The following SEC63 variants were observed in gnomAD, a reference collection of about 807,000 sequenced individuals.
SEC63 encodes translocation protein SEC63 homolog.
SEC63 carries 56 observed loss-of-function variants against 116.2 expected under a neutral mutation model. That is an observed-to-expected ratio of 0.48 (90% CI 0.39 to 0.60). SEC63 has a LOEUF of 0.60. SEC63 is among the 20% of genes least tolerant of loss of function. The probability of loss-of-function intolerance (pLI) is 0.00; values close to 1 mark genes in which losing one functional copy is unlikely to be tolerated. For missense variants in SEC63, 668 were observed against 900.0 expected (o/e 0.74, Z 3.30); for synonymous variants, 273 against 294.6 (o/e 0.93, Z 0.75).
At chr6:107,947,748 C>T (rs968279503) in intron 1 of SEC63, among the ~76,000 whole-genome samples, 2 of 152,102 alleles carry the variant, frequency 1.3e-5, no homozygotes, top group African/African-American at 4.8e-5. Flanking sequence ...AATAAACAGT[C>T]CAAGCTTTCT....
intron 1 of SEC63, among the ~76,000 whole-genome samples, chr6:107,934,983 C>A (rs1474941241): frequency 9.9e-6 from 1 of 101,488 alleles, no homozygotes; most frequent in Non-Finnish European, 2.0e-5. Context: ...CCCCGTCCGG[C>A]AGGGAGGTGG....
chr6:107,949,634 T>G (rs1272106883), intron 1 of SEC63, among the ~76,000 whole-genome samples: 1 of 152,140 alleles, frequency 6.6e-6, no homozygotes, highest in Non-Finnish European at 1.5e-5. Flanking sequence ...GGTCCTTCTT[T>G]TTACTTTTTG....
chr6:107,958,133 C>T lies in SEC63; in HGVS notation c.-124G>A. The T allele has an allele frequency of 6.9e-7, 1 of 1,442,338 alleles. No individual in the cohort carries two copies. The highest frequency in any genetic ancestry group is 9.5e-7 in the Non-Finnish European group (1 of 1,049,804). The allele number at this position is 1,442,338 out of a possible 1,614,324, so 89.3% of individuals were successfully genotyped here. ...CACTGCCGCCGCCGCCTCTCCTCCC[C>T]GCCCCCACGCCACTCTCACGGACAC... On this transcript the variant is annotated 5_prime_UTR_variant, in exon 1 of 21. Coordinates refer to ENST00000369002, the MANE Select transcript of SEC63 (RefSeq NM_007214.5).
In SEC63 at chr6:107,958,164, C is replaced by T; in HGVS notation, c.-155G>A. ...CACGCCACTCTCACGGACACGCCGC[C>T]GCCACCTCTGCCGCTGCCGCCGCCG... On this transcript the variant is annotated 5_prime_UTR_variant, in exon 1 of 21. Coordinates refer to ENST00000369002, the MANE Select transcript of SEC63 (RefSeq NM_007214.5). 3 of 1,206,098 alleles carry T rather than the reference C, an allele frequency of 2.5e-6. No homozygotes were observed. Among genetic ancestry groups the T allele is most frequent in the Admixed American group, 2.0e-5 (1 of 50,128 alleles). 74.7% of individuals were successfully genotyped at this position (1,206,098 alleles called of 1,614,324 possible). A position where few individuals can be genotyped will look rare whatever the true frequency, so the allele number is the denominator to read the frequency against.
Position 107,902,879 on chromosome 6 carries a change from C to G in SEC63, c.1174G>C (p.Glu392Gln). Reference sequence around the variant, plus strand: ...TTAGAAACCCGTCTAAGATTGTCCTCTTCAATATGAGGGAGCTGCAGAAGG... The same window carrying G: ...TTAGAAACCCGTCTAAGATTGTCCTGTTCAATATGAGGGAGCTGCAGAAGG... ...SPLLQLPHIE[E>Q]DNLRRVSNHK... is the part of the protein sequence containing the mutation. The change falls in exon 12 of 21, where the codon GAG (glutamate) becomes CAG (glutamine). Residue 392 changes from glutamate (E) to glutamine (Q), a missense_variant. By Grantham distance (29) the Glu-to-Gln change is conservative. Coordinates refer to ENST00000369002, the MANE Select transcript of SEC63 (RefSeq NM_007214.5). 1 of 1,613,980 alleles carries G rather than the reference C, an allele frequency of 6.2e-7. No individual in the cohort carries two copies. Among genetic ancestry groups the G allele is most frequent in the Non-Finnish European group, 8.5e-7 (1 of 1,179,928 alleles).
intron 19 of SEC63, among the ~76,000 whole-genome samples, chr6:107,873,866 ACAACT>A (rs1478251649): frequency 6.6e-6 from 1 of 152,216 alleles, no homozygotes; most frequent in East Asian, 1.9e-4. Flanking sequence ...CATTAAAAAG[ACAACT>A]CAAACACACT....
At chr6:107,908,776 G>A (rs1787210799) in intron 8 of SEC63, 151 bp downstream of exon 8, 4 of 527,830 alleles carry the variant, frequency 7.6e-6, no homozygotes, top group Non-Finnish European at 1.3e-5. Flanking sequence ...AAAGGGTGCT[G>A]GCATTTTTCT....
intron 1 of SEC63, among the ~76,000 whole-genome samples, chr6:107,952,777 T>C (rs1338036465): frequency 2.0e-5 from 3 of 151,886 alleles, no homozygotes; most frequent in Non-Finnish European, 4.4e-5. Context: ...AAAAAAAAAA[T>C]TACTTAAACT....
intron 1 of SEC63, among the ~76,000 whole-genome samples, chr6:107,941,345 C>CCA (rs1356802174): frequency 6.6e-6 from 1 of 151,658 alleles, no homozygotes; most frequent in East Asian, 1.9e-4. Context: ...GTCCAGCTAC[C>CCA]CACACACACC....
chr6:107,911,416 G>A lies in SEC63; in HGVS notation c.574-20C>T, dbSNP rs369895256. 1.3e-6 allele frequency: 2 copies of A among 1,539,922 alleles called. No individual in the cohort carries two copies. Among genetic ancestry groups the A allele is most frequent in the South Asian group, 1.1e-5 (1 of 89,468 alleles). ...TAAAACCTAAAATTGAAGAGAAAAA[G>A]AATTATGGCCTTCGTCAGGTAAATT... On this transcript the variant is annotated intron_variant, in intron 6 of 20. Coordinates refer to ENST00000369002, the MANE Select transcript of SEC63 (RefSeq NM_007214.5).
In SEC63 at chr6:107,887,654, C is replaced by T. The variant is rs534143177; in HGVS notation, c.1675-4508G>A. 2.1e-3 allele frequency among the ~76,000 whole-genome samples: 318 copies of T among 151,818 alleles called. 3 individuals are homozygous for T. Among genetic ancestry groups the T allele is most frequent in the Admixed American group, 8.0e-3 (122 of 15,242 alleles). On this transcript the variant is annotated intron_variant, in intron 16 of 20. Transcript: ENST00000369002. ...GGGAAATATACCTAATGCTAGATGACGAGTTAGTGGGTGCAGCGCACCAGC... is the reference window on the plus strand; with the variant it reads ...GGGAAATATACCTAATGCTAGATGATGAGTTAGTGGGTGCAGCGCACCAGC...
Position 107,871,080 on chromosome 6 carries a change from ATCTG to A in SEC63, c.*620_*623del, listed in dbSNP as rs1374589051. 4 of 154,088 alleles carry A rather than the reference ATCTG, an allele frequency of 2.6e-5. No individual in the cohort carries two copies. The highest frequency in any genetic ancestry group is 9.6e-5 in the African/African-American group (4 of 41,464). 9.5% of individuals were successfully genotyped at this position (154,088 alleles called of 1,614,324 possible). A position where few individuals can be genotyped will look rare whatever the true frequency, so the allele number is the denominator to read the frequency against. Reference sequence around the variant, plus strand: ...TAAGCCATTAAAAGCCATTTTTATAATCTGTCTGATAACTCTGGGCAATTAAGAA... The same window carrying A: ...TAAGCCATTAAAAGCCATTTTTATAATCTGATAACTCTGGGCAATTAAGAA... On this transcript the variant is annotated 3_prime_UTR_variant, in exon 21 of 21. Coordinates refer to ENST00000369002, the MANE Select transcript of SEC63 (RefSeq NM_007214.5).
chr6:107,956,029 C>A, intron 1 of SEC63: 1 of 414,276 alleles, frequency 2.4e-6, no homozygotes, highest in Non-Finnish European at 4.9e-6. Context: ...TCTGTAAGGC[C>A]AGCTACTCGG....
intron 1 of SEC63, among the ~76,000 whole-genome samples, chr6:107,935,080 C>T (rs1770176378): frequency 7.3e-6 from 1 of 137,478 alleles, no homozygotes; most frequent in Non-Finnish European, 1.6e-5. Flanking sequence ...AAGTGAGGAG[C>T]CCCTCTGCCT....
intron 1 of SEC63, among the ~76,000 whole-genome samples, chr6:107,937,665 C>T (rs1770286779): frequency 6.6e-6 from 1 of 152,124 alleles, no homozygotes; most frequent in Non-Finnish European, 1.5e-5. Context: ...CCACCAGCAG[C>T]GTATAAGTGT....
chr6:107,902,065 T>C (rs1787017578), intron 12 of SEC63, among the ~76,000 whole-genome samples: 1 of 152,126 alleles, frequency 6.6e-6, no homozygotes. Context: ...GTTCTTTAAT[T>C]TTCCAGGTGT....
chr6:107,916,318 G>A (rs527254190), intron 4 of SEC63, among the ~76,000 whole-genome samples: 10 of 152,326 alleles, frequency 6.6e-5, no homozygotes, highest in African/African-American at 2.4e-4. Flanking sequence ...CTGCTACGCA[G>A]AAAATGTAGT....
In SEC63 at chr6:107,923,705, TTTTTTG is replaced by T. The variant is rs1002526224; in HGVS notation, c.339+1107_339+1112del. Among the ~76,000 whole-genome samples, 70 of 147,506 alleles carry T rather than the reference TTTTTTG, an allele frequency of 4.7e-4. 1 individual carries two copies. The highest frequency in any genetic ancestry group is 1.8e-3 in the African/African-American group (69 of 37,596). On this transcript the variant is annotated intron_variant, in intron 3 of 20. Transcript: ENST00000369002. ...CACACCCAGGTAATTTTTTTTTTTT[TTTTTTG>T]ATACAGCCTGGGTGTCACTATGTTG... is the stretch of plus-strand genomic sequence containing the variant.
chr6:107,935,119 G>A (rs1403587547), intron 1 of SEC63, among the ~76,000 whole-genome samples: 1 of 139,254 alleles, frequency 7.2e-6, no homozygotes, highest in African/African-American at 2.7e-5. Flanking sequence ...GGAGGGAGGT[G>A]GGGGGGTCAG....
Sources: allele counts gnomAD v4.1 joint callset (sites outside exome capture counted in the v4.1 genomes callset), GRCh38; gene constraint gnomAD v4.1.1; transcripts MANE v1.5; gene names NCBI Gene and HGNC (gene_info 2026-07-23, HGNC 2026-07-21).